C17orf113: variants seen among roughly 807,000 people sequenced by gnomAD.
C17orf113 encodes chromosome 17 open reading frame 113, also known as uncharacterized protein C17orf113.
C17orf113 carries 5 observed loss-of-function variants against 11.6 expected under a neutral mutation model. That is an observed-to-expected ratio of 0.43 (90% CI 0.23 to 0.91). The LOEUF (loss-of-function observed/expected upper bound fraction) is 0.91. C17orf113 is among the 40% of genes least tolerant of loss of function. The probability of loss-of-function intolerance (pLI) is 0.26; values close to 1 mark genes in which losing one functional copy is unlikely to be tolerated. For missense variants in C17orf113, 714 were observed against 841.3 expected (o/e 0.85, Z 1.87); for synonymous variants, 327 against 390.6 (o/e 0.84, Z 1.92).
chr17:42,039,642 C>T lies in C17orf113; in HGVS notation c.*63G>A, dbSNP rs139562623. The T allele has an allele frequency of 1.7e-4, 208 of 1,215,252 alleles. 1 individual carries two copies. The East Asian group carries it at 6.0e-3, about 35-fold the overall frequency. 75.3% of individuals were successfully genotyped at this position (1,215,252 alleles called of 1,614,324 possible). ...CATCTTGGGTGCAGCATGGTCAAGT[C>T]TAGGTTGGCCCTTACAGTGCCCAGG... On this transcript the variant is annotated 3_prime_UTR_variant, in exon 3 of 3. Transcript: ENST00000587304.
intron 1 of C17orf113, among the ~76,000 whole-genome samples, chr17:42,048,859 G>A (rs1555656862): frequency 1.3e-5 from 2 of 151,860 alleles, no homozygotes; most frequent in African/African-American, 4.8e-5. Flanking sequence ...AACCAGAGGG[G>A]GGCTTTTAAA....
In C17orf113 at chr17:42,043,558, G is replaced by A. The variant is rs2053079613; in HGVS notation, c.-182C>T. 4.6e-6 allele frequency: 2 copies of A among 437,610 alleles called. No individual in the cohort carries two copies. Among genetic ancestry groups the A allele is most frequent in the Non-Finnish European group, 7.6e-6 (2 of 263,970 alleles). 27.1% of individuals were successfully genotyped at this position (437,610 alleles called of 1,614,324 possible). A position where few individuals can be genotyped will look rare whatever the true frequency, so the allele number is the denominator to read the frequency against. ...GAGAGTTTATTCCTGCTCTGCCGGT[G>A]GGAGACTGGAGATGAAAGAGACAGG... On this transcript the variant is annotated 5_prime_UTR_variant, in exon 2 of 3. Transcript: ENST00000587304.
In C17orf113 at chr17:42,050,026, T is replaced by C. The variant is rs569297959; in HGVS notation, c.-188+531A>G. ...CATTGACATTCTCCCCACCTCAACCTCAAGGAAACAGGCTGAGTGGAGTGA... is the reference window on the plus strand; with the variant it reads ...CATTGACATTCTCCCCACCTCAACCCCAAGGAAACAGGCTGAGTGGAGTGA... On this transcript the variant is annotated intron_variant, in intron 1 of 2. Transcript: ENST00000587304. The surrounding 1 kb of genome is among the most constrained non-coding windows in gnomAD (Gnocchi z 5.6). 1.3e-5 allele frequency among the ~76,000 whole-genome samples: 2 copies of C among 152,248 alleles called. No homozygotes were observed. The highest frequency in any genetic ancestry group is 2.1e-4 in the South Asian group (1 of 4,816).
At chr17:42,048,672 T>C (rs1790222802) in intron 1 of C17orf113, among the ~76,000 whole-genome samples, 1 of 152,150 alleles carries the variant, frequency 6.6e-6, no homozygotes, top group South Asian at 2.1e-4. Context: ...CTCTTCTACA[T>C]CCAGAACCTG....
In C17orf113 at chr17:42,038,912, C is replaced by G. The variant is rs1392310740; in HGVS notation, c.*793G>C. 6.6e-6 allele frequency: 1 copy of G among 152,250 alleles called. No homozygotes were observed. The highest frequency in any genetic ancestry group is 6.5e-5 in the Admixed American group (1 of 15,276). 9.4% of individuals were successfully genotyped at this position (152,250 alleles called of 1,614,324 possible). ...AGAAACAAGCACGGTCATCTACTCC[C>G]CAGTCATAGCTGAAGAGAAGAGACA... is the stretch of plus-strand genomic sequence containing the variant. On this transcript the variant is annotated 3_prime_UTR_variant, in exon 3 of 3. Transcript: ENST00000587304.
Position 42,043,493 on chromosome 17 carries a change from G to T in C17orf113, c.-117C>A. 1 of 902,692 alleles carries T rather than the reference G, an allele frequency of 1.1e-6. No homozygotes were observed. Among genetic ancestry groups the T allele is most frequent in the Non-Finnish European group, 1.5e-6 (1 of 688,282 alleles). The allele number at this position is 902,692 out of a possible 1,614,324, so 55.9% of individuals were successfully genotyped here. On this transcript the variant is annotated 5_prime_UTR_variant, in exon 2 of 3. An upstream open reading frame in the 5' UTR gains an earlier in-frame stop. Transcript: ENST00000587304. The stretch of plus-strand genomic sequence containing the variant: ...GAGTTGATGGGGAGGCAGGCTGGGG[G>T]CAGCCCGCCAGGCTAACAGGGCCCA...
chr17:42,045,006 C>G (rs1183133648), intron 1 of C17orf113, among the ~76,000 whole-genome samples: 2 of 152,006 alleles, frequency 1.3e-5, no homozygotes, highest in Admixed American at 1.3e-4. Flanking sequence ...CAAGCTCTGC[C>G]TCCCGGGTTC....
intron 1 of C17orf113, among the ~76,000 whole-genome samples, chr17:42,047,054 C>T (rs1413442469): frequency 1.8e-5 from 2 of 112,588 alleles, no homozygotes; most frequent in African/African-American, 3.4e-5. Context: ...TTTTTTGAGA[C>T]GCAATTTCAC....
intron 1 of C17orf113, among the ~76,000 whole-genome samples, chr17:42,049,108 G>A (rs1555656887): frequency 6.6e-6 from 1 of 152,020 alleles, no homozygotes; most frequent in African/African-American, 2.4e-5. Context: ...CCTTCTCTCT[G>A]GGTTCCTCCA....
rs143513868 is a variant in C17orf113, at chr17:42,047,472, G to A, written c.-188+3085C>T. 3.9e-3 allele frequency among the ~76,000 whole-genome samples: 590 copies of A among 152,164 alleles called. 3 individuals are homozygous for A. Among genetic ancestry groups the A allele is most frequent in the Middle Eastern group, 0.027 (8 of 294 alleles). On this transcript the variant is annotated intron_variant, in intron 1 of 2. Coordinates refer to ENST00000587304, the MANE Select transcript of C17orf113 (RefSeq NM_001358661.2). Reference sequence around the variant, plus strand: ...TTACAGGCGCCTGGCCCAATTAGACGATCTGAAGCTCTGAGACTGCAGTAA... The same window carrying A: ...TTACAGGCGCCTGGCCCAATTAGACAATCTGAAGCTCTGAGACTGCAGTAA...
intron 1 of C17orf113, among the ~76,000 whole-genome samples, chr17:42,048,437 C>T (rs1297599653): frequency 2.6e-5 from 4 of 151,654 alleles, no homozygotes; most frequent in Non-Finnish European, 5.9e-5. Context: ...CCCAGCTACT[C>T]GGGAAGCTGA....
chr17:42,041,094 C>T lies in C17orf113; in HGVS notation c.639G>A (p.Pro213=), dbSNP rs372478592. The T allele has an allele frequency of 3.9e-5, 48 of 1,232,180 alleles. No homozygotes were observed. Among genetic ancestry groups the T allele is most frequent in the East Asian group, 3.2e-4 (10 of 31,722 alleles). 76.3% of individuals were successfully genotyped at this position (1,232,180 alleles called of 1,614,324 possible). The change falls in exon 3 of 3, where the codon CCG becomes CCA. Residue 213 remains proline, a synonymous_variant. Coordinates refer to ENST00000587304, the MANE Select transcript of C17orf113 (RefSeq NM_001358661.2). ...GLVLDETRDW[P]ESHSLALFAT... is the part of the protein sequence containing the mutation. Reference sequence around the variant, plus strand: ...CAAACAGGGCCAGGCTGTGTGACTCCGGCCAGTCTCTGGTCTCGTCCAACA... The same window carrying T: ...CAAACAGGGCCAGGCTGTGTGACTCTGGCCAGTCTCTGGTCTCGTCCAACA...
At position 42,040,950 on chromosome 17, in the gene C17orf113, T is replaced by C; in HGVS notation, c.783A>G (p.Val261=). Residue 261 remains valine (V), a synonymous_variant, in exon 3 of 3, where the codon GTA becomes GTG. Coordinates refer to ENST00000587304, the MANE Select transcript of C17orf113 (RefSeq NM_001358661.2). ...TGAGCCAGGCCAGCTTGGGTGCAGA[T>C]ACGCCGAAAGCCTGCAGGATGTCCA... ...QLLDILQAFG[V]SAPKLAWLSS... 7 of 1,232,226 alleles carry C rather than the reference T, an allele frequency of 5.7e-6. No individual in the cohort carries two copies. The highest frequency in any genetic ancestry group is 1.5e-5 in the African/African-American group (1 of 64,540). The allele number at this position is 1,232,226 out of a possible 1,614,324, so 76.3% of individuals were successfully genotyped here.
chr17:42,045,943 A>T (rs1290328720), intron 1 of C17orf113, among the ~76,000 whole-genome samples: 2 of 152,140 alleles, frequency 1.3e-5, no homozygotes, highest in Non-Finnish European at 2.9e-5. Flanking sequence ...TCAATCCTGA[A>T]GGCTTGCATT....
chr17:42,043,322 A>T lies in C17orf113; in HGVS notation c.55T>A (p.Cys19Ser). ...AGEASNSNKKCKRYFNEHWKE... is the reference protein window; with the variant it reads ...AGEASNSNKKSKRYFNEHWKE... Reference sequence around the variant, plus strand: ...CAGTGCTCGTTGAAGTAACGCTTACACTTCTTGTTGGAGTTGGAGGCCTCT... The same window carrying T: ...CAGTGCTCGTTGAAGTAACGCTTACTCTTCTTGTTGGAGTTGGAGGCCTCT... The change falls in exon 2 of 3, where the codon TGT becomes AGT. Residue 19 changes from cysteine (C) to serine (S), a missense_variant. By Grantham distance (112) the Cys-to-Ser change is moderately radical (BLOSUM62 -1). Transcript: ENST00000587304. 1 of 1,232,206 alleles carries T rather than the reference A, an allele frequency of 8.1e-7. No individual in the cohort carries two copies. Among genetic ancestry groups the T allele is most frequent in the Non-Finnish European group, 1.0e-6 (1 of 987,990 alleles). 76.3% of individuals were successfully genotyped at this position (1,232,206 alleles called of 1,614,324 possible).
At position 42,039,828 on chromosome 17, in the gene C17orf113, C is replaced by T; in HGVS notation, c.1905G>A (p.Arg635=). The change falls in exon 3 of 3, where the codon CGG becomes CGA. Residue 635 remains arginine (R), a synonymous_variant. Coordinates refer to ENST00000587304, the MANE Select transcript of C17orf113 (RefSeq NM_001358661.2). The part of the protein sequence containing the change: ...WWGQSGAGEG[R]GGHMVKIAVD... ...CTGCGATCTTCACCATGTGGCCCCC[C>T]CGGCCTTCCCCGGCCCCACTCTGCC... 2 of 1,232,078 alleles carry T rather than the reference C, an allele frequency of 1.6e-6. No homozygotes were observed. Among genetic ancestry groups the T allele is most frequent in the Admixed American group, 4.2e-5 (1 of 23,730 alleles). The allele number at this position is 1,232,078 out of a possible 1,614,324, so 76.3% of individuals were successfully genotyped here.
chr17:42,047,776 C>G (rs2053197780), intron 1 of C17orf113, among the ~76,000 whole-genome samples: 1 of 151,850 alleles, frequency 6.6e-6, no homozygotes, highest in Admixed American at 6.6e-5. Flanking sequence ...GCCTCAGCCT[C>G]CTGAGTAGCT....
In C17orf113 at chr17:42,039,825, C is replaced by G; in HGVS notation, c.1908G>C (p.Gly636=). ...WGQSGAGEGR[G]GHMVKIAVDG... ...CCACTGCGATCTTCACCATGTGGCC[C>G]CCCCGGCCTTCCCCGGCCCCACTCT... Residue 636 remains glycine, a synonymous_variant, in exon 3 of 3, where the codon GGG becomes GGC. Coordinates refer to ENST00000587304, the MANE Select transcript of C17orf113 (RefSeq NM_001358661.2). 1 of 1,232,222 alleles carries G rather than the reference C, an allele frequency of 8.1e-7. No individual in the cohort carries two copies. 76.3% of individuals were successfully genotyped at this position (1,232,222 alleles called of 1,614,324 possible). A position where few individuals can be genotyped will look rare whatever the true frequency, so the allele number is the denominator to read the frequency against.
chr17:42,042,854 T>A lies in C17orf113; in HGVS notation c.523A>T (p.Arg175Trp). The change falls in exon 2 of 3, where the codon AGG becomes TGG. Residue 175 changes from arginine (R) to tryptophan (W), a missense_variant. Physicochemically the swap from Arg to Trp is moderately radical, Grantham distance 101. Around this residue, in one of 3 missense-constraint regions of C17orf113, gnomAD observed 516 missense variants for 626.6 expected, o/e 0.82. Transcript: ENST00000587304. The part of the protein sequence containing the change: ...GTEHGDYYSP[R>W]RVRDMQVAIA... ...CCCACCTGCATGTCCCTCACCCTCC[T>A]GGGACTGTAGTAATCGCCATGCTCT... The A allele has an allele frequency of 8.1e-7, 1 of 1,232,290 alleles. No individual in the cohort carries two copies. Among genetic ancestry groups the A allele is most frequent in the African/African-American group, 1.6e-5 (1 of 64,506 alleles). 76.3% of individuals were successfully genotyped at this position (1,232,290 alleles called of 1,614,324 possible).
Sources: allele counts gnomAD v4.1 joint callset (sites outside exome capture counted in the v4.1 genomes callset), GRCh38; gene constraint gnomAD v4.1.1; regional missense constraint gnomAD v4.1.1; non-coding constraint Gnocchi (gnomAD v3.1); transcripts MANE v1.5; gene names NCBI Gene and HGNC (gene_info 2026-07-23, HGNC 2026-07-21).